The following AP1AR variants were observed in gnomAD, a reference collection of about 807,000 sequenced individuals.
The protein encoded by AP1AR is AP-1 complex-associated regulatory protein.
Under a neutral mutation model 46.3 loss-of-function variants are expected in AP1AR, and 29 were observed. The ratio of observed to expected loss-of-function variants is 0.63; its 90% CI spans 0.47 to 0.85. The LOEUF (loss-of-function observed/expected upper bound fraction) is 0.85. Ranked by LOEUF, AP1AR falls within the 40% of genes least tolerant of loss-of-function variation. The pLI is 0.00. For synonymous variants in AP1AR, 122 were observed against 122.9 expected, an observed-to-expected ratio of 0.99 and a Z score of 0.05; for missense variants, 357 against 356.3, an observed-to-expected ratio of 1.00 and a Z score of -0.02.
intron 1 of AP1AR, among the ~76,000 whole-genome samples, chr4:112,233,922 G>A (rs563142088): frequency 6.6e-5 from 10 of 152,286 alleles, no homozygotes; most frequent in South Asian, 2.1e-4. Flanking sequence ...AGTGGCGCGC[G>A]ATCTCGGCTC....
At chr4:112,241,844 G>C (rs1485471138) in intron 1 of AP1AR, among the ~76,000 whole-genome samples, 1 of 151,788 alleles carries the variant, frequency 6.6e-6, no homozygotes, top group East Asian at 1.9e-4. Context: ...CATCATCTTT[G>C]TAATACTTTT....
intron 1 of AP1AR, among the ~76,000 whole-genome samples, chr4:112,242,317 C>T (rs1725537858): frequency 6.6e-6 from 1 of 152,112 alleles, no homozygotes; most frequent in Non-Finnish European, 1.5e-5. Context: ...TATATGCCTC[C>T]ATCGTTCAGA....
chr4:112,262,847 AT>A (rs1275293421), intron 5 of AP1AR, 140 bp from the exon 6 acceptor site: 3 of 632,136 alleles, frequency 4.7e-6, no homozygotes, highest in Non-Finnish European at 8.3e-6. Flanking sequence ...AATTGCAAAC[AT>A]TTCAATTCTG....
chr4:112,238,328 A>C (rs553449281), intron 1 of AP1AR, among the ~76,000 whole-genome samples: 1 of 152,348 alleles, frequency 6.6e-6, no homozygotes, highest in South Asian at 2.1e-4. Context: ...ATAATTCCCT[A>C]ACTTTGGCAA....
At position 112,272,703 on chromosome 4, in the gene AP1AR, G is replaced by T. The variant is rs1478490463; in HGVS notation, c.*4294G>T. Among the ~76,000 whole-genome samples, 1 of 152,056 alleles carries T rather than the reference G, an allele frequency of 6.6e-6. No individual in the cohort carries two copies. Among genetic ancestry groups the T allele is most frequent in the African/African-American group, 2.4e-5 (1 of 41,384 alleles). ...TTTGCTTCAATAAACTCTTGTTTCT[G>T]CCTTAAATATAATTCTGTCTCTTGG... On this transcript the variant is annotated 3_prime_UTR_variant, in exon 10 of 10. Transcript: ENST00000274000.
In AP1AR at chr4:112,269,042, T is replaced by A. The variant is rs1320122438; in HGVS notation, c.*633T>A. On this transcript the variant is annotated 3_prime_UTR_variant, in exon 10 of 10. Transcript: ENST00000274000. ...CAAAAGATAATATAAAAATAACCCT[T>A]CAGAGTTTGGACATTTCAAGTTGGT... is the stretch of plus-strand genomic sequence containing the variant. 1 of 150,778 alleles carries A rather than the reference T, an allele frequency of 6.6e-6. No homozygotes were observed. Among genetic ancestry groups the A allele is most frequent in the Non-Finnish European group, 1.5e-5 (1 of 67,566 alleles). The allele number at this position is 150,778 out of a possible 1,614,324, so 9.3% of individuals were successfully genotyped here. A position where few individuals can be genotyped will look rare whatever the true frequency, so the allele number is the denominator to read the frequency against.
At chr4:112,267,904 A>C (rs781108841) in intron 9 of AP1AR, among the ~76,000 whole-genome samples, 23 of 151,882 alleles carry the variant, frequency 1.5e-4, no homozygotes, top group Non-Finnish European at 2.4e-4. Context: ...ATCTTATCGG[A>C]TAATCGATGC....
In AP1AR at chr4:112,268,217, T is replaced by C. The variant is rs1410695732; in HGVS notation, c.717T>C (p.Tyr239=). 19 of 1,612,342 alleles carry C rather than the reference T, an allele frequency of 1.2e-5. No homozygotes were observed. The highest frequency in any genetic ancestry group is 1.5e-5 in the Non-Finnish European group (18 of 1,179,018). The part of the protein sequence containing the change: ...EEDILRAALK[Y]SNKKTGSNPT... Reference sequence around the variant, plus strand: ...ACATTCTACGGGCAGCACTTAAGTATAGCAACAAGAAGACTGGAAGTAATC... The same window carrying C: ...ACATTCTACGGGCAGCACTTAAGTACAGCAACAAGAAGACTGGAAGTAATC... Residue 239 remains tyrosine (Y), a synonymous_variant, in exon 10 of 10, where the codon TAT becomes TAC. Coordinates refer to ENST00000274000, the MANE Select transcript of AP1AR (RefSeq NM_018569.6).
chr4:112,250,647 C>G (rs1725918244), intron 1 of AP1AR, among the ~76,000 whole-genome samples: 1 of 152,232 alleles, frequency 6.6e-6, no homozygotes, highest in African/African-American at 2.4e-5. Context: ...CAGGATAAAG[C>G]TCCCCTGATA....
intron 1 of AP1AR, among the ~76,000 whole-genome samples, chr4:112,238,749 A>G (rs373817029): frequency 6.6e-6 from 1 of 152,322 alleles, no homozygotes; most frequent in Non-Finnish European, 1.5e-5. Flanking sequence ...TACTACTTAT[A>G]TGCTAATAAG....
chr4:112,261,007 C>G (rs1330993345), intron 5 of AP1AR, 145 bp downstream of exon 5: 13 of 468,338 alleles, frequency 2.8e-5, no homozygotes, highest in Non-Finnish European at 4.0e-5. Context: ...TCATTCCAGC[C>G]TATTATAATT....
chr4:112,261,546 T>C (rs758967091), intron 5 of AP1AR, among the ~76,000 whole-genome samples: 3 of 151,268 alleles, frequency 2.0e-5, no homozygotes, highest in South Asian at 2.1e-4. Flanking sequence ...CAAGTACTTA[T>C]AATCATAAGT....
chr4:112,270,967 T>G lies in AP1AR; in HGVS notation c.*2558T>G, dbSNP rs1480001140. The stretch of plus-strand genomic sequence containing the variant: ...ATAGCACTCCCAATGGAATATAGTG[T>G]GCCTTGGGTTTACAATGGCTGTGAA... On this transcript the variant is annotated 3_prime_UTR_variant, in exon 10 of 10. Coordinates refer to ENST00000274000, the MANE Select transcript of AP1AR (RefSeq NM_018569.6). 6.6e-5 allele frequency among the ~76,000 whole-genome samples: 10 copies of G among 152,220 alleles called. No homozygotes were observed. Among genetic ancestry groups the G allele is most frequent in the Non-Finnish European group, 1.5e-4 (10 of 68,036 alleles).
At chr4:112,263,162 C>CT (rs1179111779) in intron 6 of AP1AR, 76 bp downstream of exon 6, 10 of 1,126,126 alleles carry the variant, frequency 8.9e-6, no homozygotes, top group East Asian at 4.8e-5. Context: ...AGTTGGGACT[C>CT]TTTTTTTCCT....
chr4:112,246,843 T>A (rs1725745693), intron 1 of AP1AR, among the ~76,000 whole-genome samples: 1 of 152,228 alleles, frequency 6.6e-6, no homozygotes, highest in South Asian at 2.1e-4. Flanking sequence ...AGGGGACTTT[T>A]CTACAGAGTT....
rs1018517589 is a variant in AP1AR at position 112,257,829 on chromosome 4, T to G, written c.185+32T>G. 4 of 1,514,022 alleles carry G rather than the reference T, an allele frequency of 2.6e-6. 1 individual carries two copies. The South Asian group carries it at 3.9e-5, about 15-fold the overall frequency. 93.8% of individuals were successfully genotyped at this position (1,514,022 alleles called of 1,614,324 possible). ...CTTTGTTAAAAAAAAAAAACAAAAC[T>G]TCTATGCAAACTGTAAGAAAACTCT... On this transcript the variant is annotated intron_variant, in intron 4 of 9. Transcript: ENST00000274000.
In AP1AR at chr4:112,249,359, TA is replaced by T. The variant is rs34100698; in HGVS notation, c.84-3837del. On this transcript the variant is annotated intron_variant, in intron 1 of 9. Coordinates refer to ENST00000274000, the MANE Select transcript of AP1AR (RefSeq NM_018569.6). ...TCACTTACTCTAAGGTACTTTTCTT[TA>T]AAAAAAAAAAATGTATAGGCTTGGT... Among the ~76,000 whole-genome samples the T allele has an allele frequency of 3.2e-4, 48 of 147,856 alleles. 3 individuals are homozygous for T. The highest frequency in any genetic ancestry group is 3.1e-4 in the Non-Finnish European group (21 of 66,864).
chr4:112,265,104 T>C, intron 7 of AP1AR, 37 bp downstream of exon 7: 4 of 1,525,296 alleles, frequency 2.6e-6, no homozygotes, highest in Non-Finnish European at 3.6e-6. Context: ...CCCTTTGTGG[T>C]AGAACATTTT....
intron 1 of AP1AR, among the ~76,000 whole-genome samples, chr4:112,241,816 A>T (rs1367840754): frequency 6.6e-6 from 1 of 152,200 alleles, no homozygotes; most frequent in Non-Finnish European, 1.5e-5. Context: ...TTTGATACTA[A>T]TTGGAAAACA....
Sources: allele counts gnomAD v4.1 joint callset (sites outside exome capture counted in the v4.1 genomes callset), GRCh38; gene constraint gnomAD v4.1.1; transcripts MANE v1.5; gene names NCBI Gene and HGNC (gene_info 2026-07-23, HGNC 2026-07-21).